Variants in EPHA4 observed in about 807,000 individuals in gnomAD.
EPHA4 encodes ephrin type-A receptor 4.
In EPHA4, 19 loss-of-function variants were observed where a neutral mutation model predicts 108.3. The observed-to-expected ratio is 0.18, with a 90% CI of 0.12 to 0.26. The LOEUF is 0.26. EPHA4 is among the 10% of genes least tolerant of loss of function. The pLI, the probability that EPHA4 is intolerant of heterozygous loss-of-function variation, is 1.00. For synonymous variants in EPHA4, 449 were observed against 455.5 expected, an observed-to-expected ratio of 0.99 and a Z score of 0.18; for missense variants, 917 against 1,254.0, an observed-to-expected ratio of 0.73 and a Z score of 4.06.
intron 14 of EPHA4, among the ~76,000 whole-genome samples, chr2:221,430,417 G>A (rs1282420257): frequency 1.3e-5 from 2 of 152,158 alleles, no homozygotes; most frequent in Admixed American, 6.5e-5. Flanking sequence ...TCCACAATGT[G>A]GTGTCAGTTT....
intron 3 of EPHA4, among the ~76,000 whole-genome samples, chr2:221,550,154 G>T (rs1461238702): frequency 1.3e-5 from 2 of 152,132 alleles, no homozygotes; most frequent in Non-Finnish European, 2.9e-5. Context: ...CTACATATGT[G>T]ATTTGAAAAG....
At chr2:221,560,555 T>A (rs1364553344) in intron 3 of EPHA4, among the ~76,000 whole-genome samples, 1 of 152,092 alleles carries the variant, frequency 6.6e-6, no homozygotes, top group East Asian at 1.9e-4. Flanking sequence ...AGGGGATGGA[T>A]TTTCCTTCTA....
chr2:221,509,006 T>A (rs1453123247), intron 3 of EPHA4, among the ~76,000 whole-genome samples: 1 of 152,186 alleles, frequency 6.6e-6, no homozygotes, highest in African/African-American at 2.4e-5. Flanking sequence ...AAAATCAGAA[T>A]AGTACAACCT....
intron 11 of EPHA4, among the ~76,000 whole-genome samples, chr2:221,439,739 G>A (rs750700537): frequency 2.0e-5 from 3 of 152,004 alleles, no homozygotes; most frequent in Admixed American, 6.6e-5. Flanking sequence ...GTCAACTAAC[G>A]AGAAAGGGCA....
At chr2:221,423,832 C>T (rs1689820847) in intron 17 of EPHA4, among the ~76,000 whole-genome samples, 2 of 151,874 alleles carry the variant, frequency 1.3e-5, no homozygotes, top group African/African-American at 4.8e-5. Flanking sequence ...AAATACAATG[C>T]CACCTGGGCG....
intron 5 of EPHA4, among the ~76,000 whole-genome samples, chr2:221,468,721 C>A (rs1036476229): frequency 1.3e-5 from 2 of 152,178 alleles, no homozygotes; most frequent in Admixed American, 1.3e-4. Flanking sequence ...TACTTAAAAG[C>A]CTGCTCCAGA....
intron 5 of EPHA4, among the ~76,000 whole-genome samples, chr2:221,462,340 A>G (rs1021236750): frequency 6.6e-6 from 1 of 151,736 alleles, no homozygotes; most frequent in Non-Finnish European, 1.5e-5. Context: ...ATAGATGTCA[A>G]TTTTCCTGGT....
rs1482106750 is a variant in EPHA4, at chr2:221,463,350, T to C, written c.1319-5360A>G. Among the ~76,000 whole-genome samples, 3 of 152,240 alleles carry C rather than the reference T, an allele frequency of 2.0e-5. No individual in the cohort carries two copies. The East Asian group carries it at 5.8e-4, about 29-fold the overall frequency. ...AGATAAATTTCACTCCCAAAGAATG[T>C]TGTATTCCCAGTTCTACAAATCCCT... is the stretch of plus-strand genomic sequence containing the variant. On this transcript the variant is annotated intron_variant, in intron 5 of 17. Transcript: ENST00000281821.
rs77813175 is a variant in EPHA4, at chr2:221,457,965, C to T, written c.1344G>A (p.Gln448=). ...QAAPSSIALV[Q]AKEVTRYSVA... ...CACTGTATCTTGTGACTTCTTTAGC[C>T]TGGACCAAAGCAATGGATGATGGTG... Residue 448 remains glutamine, a synonymous_variant, in exon 6 of 18, where the codon CAG becomes CAA. Transcript: ENST00000281821. The T allele has an allele frequency of 8.7e-6, 14 of 1,613,464 alleles. No individual in the cohort carries two copies. The East Asian group carries it at 2.9e-4, about 33-fold the overall frequency.
intron 3 of EPHA4, among the ~76,000 whole-genome samples, chr2:221,537,140 C>T (rs1693696939): frequency 1.3e-5 from 2 of 152,180 alleles, no homozygotes; most frequent in South Asian, 4.1e-4. Context: ...CAGTTTTAGG[C>T]TCTGAGAGTC....
At chr2:221,524,597 T>C (rs939469428) in intron 3 of EPHA4, among the ~76,000 whole-genome samples, 8 of 152,164 alleles carry the variant, frequency 5.3e-5, no homozygotes, top group African/African-American at 1.4e-4. Context: ...AAAAGGCAAA[T>C]TGGGGAAGAC....
intron 3 of EPHA4, among the ~76,000 whole-genome samples, chr2:221,554,423 T>G (rs1479609083): frequency 6.6e-6 from 1 of 152,244 alleles, no homozygotes; most frequent in African/African-American, 2.4e-5. Flanking sequence ...TTCTAGTTTA[T>G]AGAATGCATA....
At chr2:221,479,132 T>C (rs149464389) in intron 5 of EPHA4, among the ~76,000 whole-genome samples, 207 of 152,280 alleles carry the variant, frequency 1.4e-3, no homozygotes, top group African/African-American at 4.4e-3. Flanking sequence ...CATAATCTGG[T>C]CTCATAAATG....
intron 14 of EPHA4, among the ~76,000 whole-genome samples, chr2:221,431,805 T>C (rs1174270019): frequency 6.6e-6 from 1 of 152,200 alleles, no homozygotes; most frequent in Non-Finnish European, 1.5e-5. Flanking sequence ...AGATGGCTCA[T>C]AGGTTAGCAA....
chr2:221,454,954 GCTTTTCCTGGGGGAAGA>G (rs1370012816), intron 8 of EPHA4, among the ~76,000 whole-genome samples: 1 of 152,126 alleles, frequency 6.6e-6, no homozygotes, highest in Non-Finnish European at 1.5e-5. Flanking sequence ...AATGCTGATG[GCTTTTCCTGGGGGAAGA>G]CTGAGTGTGA....
At chr2:221,510,524 T>C (rs1692796362) in intron 3 of EPHA4, among the ~76,000 whole-genome samples, 1 of 152,100 alleles carries the variant, frequency 6.6e-6, no homozygotes, top group African/African-American at 2.4e-5. Flanking sequence ...CGAAAAAAAG[T>C]GACAGAAAAA....
intron 4 of EPHA4, among the ~76,000 whole-genome samples, chr2:221,487,078 G>T (rs144502510): frequency 6.6e-5 from 10 of 152,162 alleles, no homozygotes; most frequent in African/African-American, 2.2e-4. Flanking sequence ...AGTAGAAAGG[G>T]CTATATATAA....
intron 5 of EPHA4, among the ~76,000 whole-genome samples, chr2:221,462,386 T>C (rs1245000918): frequency 6.6e-6 from 1 of 152,130 alleles, no homozygotes; most frequent in Admixed American, 6.6e-5. Flanking sequence ...CATTTTTTAT[T>C]ACCCCTAAGG....
chr2:221,549,668 G>C (rs991375692), intron 3 of EPHA4, among the ~76,000 whole-genome samples: 1 of 142,528 alleles, frequency 7.0e-6, no homozygotes, highest in African/African-American at 2.6e-5. Context: ...CCTTTAATTC[G>C]CATGTTTAAG....
Sources: allele counts gnomAD v4.1 joint callset (sites outside exome capture counted in the v4.1 genomes callset), GRCh38; gene constraint gnomAD v4.1.1; transcripts MANE v1.5; gene names NCBI Gene and HGNC (gene_info 2026-07-23, HGNC 2026-07-21).